RNF114: variants seen among roughly 807,000 people sequenced by gnomAD.
RNF114 encodes the protein E3 ubiquitin-protein ligase RNF114.
Under a neutral mutation model 28.4 loss-of-function variants are expected in RNF114, and 6 were observed. That is an observed-to-expected ratio of 0.21 (90% confidence interval 0.12 to 0.42). RNF114 has a LOEUF of 0.42. Ranked by LOEUF, RNF114 falls within the 10% of genes least tolerant of loss-of-function variation. The probability of loss-of-function intolerance (pLI) is 1.00; values close to 1 mark genes in which losing one functional copy is unlikely to be tolerated. For synonymous variants in RNF114, 115 were observed against 116.7 expected, an observed-to-expected ratio of 0.99 and a Z score of 0.09; for missense variants, 249 against 311.7, an observed-to-expected ratio of 0.80 and a Z score of 1.51.
intron 5 of RNF114, 79 bp downstream of exon 5, chr20:49,949,434 G>A (rs2090347304): frequency 1.7e-6 from 2 of 1,196,582 alleles, no homozygotes; most frequent in East Asian, 2.3e-5. Context: ...AGGGGAAATG[G>A]GGATCCCCAG....
At chr20:49,945,640 TTC>T in intron 3 of RNF114, 152 bp downstream of exon 3, 1 of 594,606 alleles carries the variant, frequency 1.7e-6, no homozygotes, top group Non-Finnish European at 3.0e-6. Context: ...GACTCTGGTG[TTC>T]ACTTCAGATG....
At position 49,952,103 on chromosome 20, in the gene RNF114, A is replaced by G; in HGVS notation, c.649A>G (p.Met217Val). 1.9e-6 allele frequency: 3 copies of G among 1,613,670 alleles called. No homozygotes were observed. The highest frequency in any genetic ancestry group is 2.5e-6 in the Non-Finnish European group (3 of 1,179,728). The change falls in exon 6 of 6, where the codon ATG becomes GTG. Residue 217 changes from methionine to valine, a missense_variant. By Grantham distance (21) the Met-to-Val change is conservative (BLOSUM62 1). Around this residue, in one of 2 missense-constraint regions of RNF114, gnomAD observed 126 missense variants for 205.3 expected, o/e 0.61. Transcript: ENST00000244061. ...VDYDVDEEDM[M>V]NQVLQRSIID... ...TTATGATGTTGATGAAGAGGACATG[A>G]TGAATCAGGTGTTGCAGCGCTCCAT...
intron 5 of RNF114, among the ~76,000 whole-genome samples, chr20:49,949,846 T>C (rs1295376892): frequency 3.3e-5 from 5 of 151,958 alleles, no homozygotes; most frequent in Admixed American, 3.3e-4. Context: ...GCTTTCACTA[T>C]GTTGGCCAGG....
intron 1 of RNF114, 121 bp downstream of exon 1, chr20:49,936,673 G>C: frequency 4.0e-6 from 5 of 1,249,894 alleles, no homozygotes; most frequent in Non-Finnish European, 5.4e-6. Flanking sequence ...TCCCGGGGGT[G>C]TCCCCCGGGG....
chr20:49,947,236 C>CAA (rs138741719), intron 4 of RNF114, among the ~76,000 whole-genome samples: 81,000 of 95,544 alleles, frequency 0.85, 35,308 homozygotes, highest in Admixed American at 0.86. Context: ...CCCCCCCCCC[C>CAA]AAAAAAGTAT....
intron 4 of RNF114, among the ~76,000 whole-genome samples, chr20:49,949,026 TG>T (rs869193356): frequency 3.9e-5 from 6 of 152,034 alleles, no homozygotes; most frequent in Admixed American, 3.3e-4. Flanking sequence ...TGAGAAAGGG[TG>T]GTATCATGAT....
At position 49,946,211 on chromosome 20, in the gene RNF114, A is replaced by G; in HGVS notation, c.474A>G (p.Glu158=). The part of the protein sequence containing the change: ...EKNFDQEGLV[E]HCKLFHSTDT... ...ACTTTGATCAGGAAGGACTTGTGGA[A>G]CACTGCAAATTATTCCATAGCACGG... Residue 158 remains glutamate (E), a synonymous_variant, in exon 4 of 6, where the codon GAA becomes GAG. Transcript: ENST00000244061. 1 of 1,610,460 alleles carries G rather than the reference A, an allele frequency of 6.2e-7. No individual in the cohort carries two copies. The highest frequency in any genetic ancestry group is 8.5e-7 in the Non-Finnish European group (1 of 1,177,772).
At position 49,953,391 on chromosome 20, in the gene RNF114, A is replaced by G. The variant is rs1205228485; in HGVS notation, c.*1250A>G. 6.6e-6 allele frequency: 1 copy of G among 152,220 alleles called. No individual in the cohort carries two copies. Among genetic ancestry groups the G allele is most frequent in the African/African-American group, 2.4e-5 (1 of 41,460 alleles). The allele number at this position is 152,220 out of a possible 1,614,324, so 9.4% of individuals were successfully genotyped here. A position where few individuals can be genotyped will look rare whatever the true frequency, so the allele number is the denominator to read the frequency against. Reference sequence around the variant, plus strand: ...AGCTGTCAGCCTAATCTGTAGGAGCAGAACCTCTGATTGACCAAAAGGCAT... The same window carrying G: ...AGCTGTCAGCCTAATCTGTAGGAGCGGAACCTCTGATTGACCAAAAGGCAT... On this transcript the variant is annotated 3_prime_UTR_variant, in exon 6 of 6. Coordinates refer to ENST00000244061, the MANE Select transcript of RNF114 (RefSeq NM_018683.4).
intron 2 of RNF114, among the ~76,000 whole-genome samples, chr20:49,943,648 CTT>C (rs1308296793): frequency 4.5e-4 from 42 of 93,080 alleles, no homozygotes; most frequent in Admixed American, 2.6e-3. Flanking sequence ...TCCCTACTGT[CTT>C]CTTTTTTTTT....
At chr20:49,949,444 G>C in intron 5 of RNF114, 89 bp downstream of exon 5, 10 of 1,110,814 alleles carry the variant, frequency 9.0e-6, no homozygotes, top group Non-Finnish European at 1.4e-5. Context: ...GGGATCCCCA[G>C]TGTTGAACTT....
chr20:49,936,717 T>C (rs1173504969), intron 1 of RNF114, among the ~76,000 whole-genome samples, 165 bp downstream of exon 1: 1 of 151,580 alleles, frequency 6.6e-6, no homozygotes, highest in Non-Finnish European at 1.5e-5. Flanking sequence ...CGGGGCGCTC[T>C]TCTGTCCCGC....
intron 2 of RNF114, 104 bp downstream of exon 2, chr20:49,941,815 T>C (rs1368023923): frequency 8.1e-7 from 1 of 1,236,816 alleles, no homozygotes; most frequent in Non-Finnish European, 1.1e-6. Flanking sequence ...ACTAGGTCAC[T>C]AACAGCACGC....
chr20:49,949,190 A>G, intron 4 of RNF114, 58 bp from the exon 5 acceptor site: 2 of 1,410,328 alleles, frequency 1.4e-6, no homozygotes, highest in South Asian at 2.3e-5. Flanking sequence ...CACAGGCCAC[A>G]GAGGGCTGGT....
In RNF114 at chr20:49,952,412, G is replaced by T; in HGVS notation, c.*271G>T. 1 of 523,296 alleles carries T rather than the reference G, an allele frequency of 1.9e-6. No individual in the cohort carries two copies. The highest frequency in any genetic ancestry group is 3.4e-6 in the Non-Finnish European group (1 of 292,640). 32.4% of individuals were successfully genotyped at this position (523,296 alleles called of 1,614,324 possible). On this transcript the variant is annotated 3_prime_UTR_variant, in exon 6 of 6. Coordinates refer to ENST00000244061, the MANE Select transcript of RNF114 (RefSeq NM_018683.4). Reference sequence around the variant, plus strand: ...TTCTCGGCTACTTCCTGGAGCTTCTGCCGCCTCCTGTGGAAGATAATCTAG... The same window carrying T: ...TTCTCGGCTACTTCCTGGAGCTTCTTCCGCCTCCTGTGGAAGATAATCTAG...
At chr20:49,947,420 TA>T (rs2090337143) in intron 4 of RNF114, among the ~76,000 whole-genome samples, 1 of 152,094 alleles carries the variant, frequency 6.6e-6, no homozygotes, top group South Asian at 2.1e-4. Context: ...TCCATTGCTG[TA>T]AACAGTGGTG....
At chr20:49,949,108 A>T (rs575165064) in intron 4 of RNF114, 140 bp from the exon 5 acceptor site, 2 of 644,442 alleles carry the variant, frequency 3.1e-6, no homozygotes, top group Admixed American at 2.8e-5. Flanking sequence ...TGGGCTGCTG[A>T]TGTGCACAGG....
At chr20:49,947,795 T>TTTTTG (rs2090339556) in intron 4 of RNF114, among the ~76,000 whole-genome samples, 1 of 106,608 alleles carries the variant, frequency 9.4e-6, no homozygotes, top group African/African-American at 3.7e-5. Context: ...TTTTTTTTTT[T>TTTTTG]TTTTTTTTTT....
In RNF114 at chr20:49,945,498, T is replaced by TC. The variant is rs758372684; in HGVS notation, c.398+11dup. On this transcript the variant is annotated intron_variant, in intron 3 of 5. Coordinates refer to ENST00000244061, the MANE Select transcript of RNF114 (RefSeq NM_018683.4). ...CATCTCTTCAGCCAAGGTAAATGAC[T>TC]CAGTCTCCCCTTAGGTGGAGGTCAT... 1 of 1,522,246 alleles carries TC rather than the reference T, an allele frequency of 6.6e-7. No homozygotes were observed. The highest frequency in any genetic ancestry group is 1.4e-5 in the African/African-American group (1 of 73,138). 94.3% of individuals were successfully genotyped at this position (1,522,246 alleles called of 1,614,324 possible).
chr20:49,943,010 CT>C (rs11475941), intron 2 of RNF114, among the ~76,000 whole-genome samples: 138,355 of 151,962 alleles, frequency 0.91, 63,059 homozygotes, highest in African/African-American at 0.94. Context: ...TTTTTTTCCA[CT>C]TTTCAGGTTT....
Sources: allele counts gnomAD v4.1 joint callset (sites outside exome capture counted in the v4.1 genomes callset), GRCh38; gene constraint gnomAD v4.1.1; regional missense constraint gnomAD v4.1.1; transcripts MANE v1.5; gene names NCBI Gene and HGNC (gene_info 2026-07-23, HGNC 2026-07-21).